Variants in SLC35F1 observed in about 807,000 individuals in gnomAD.
SLC35F1 encodes chromosome 6 open reading frame 169.
Under a neutral mutation model 48.7 loss-of-function variants are expected in SLC35F1, and 14 were observed. The observed-to-expected ratio is 0.29, with a 90% CI of 0.19 to 0.45. The LOEUF (loss-of-function observed/expected upper bound fraction) is 0.45, where lower values mean the gene tolerates loss of function less well. Among genes scored for constraint, SLC35F1 ranks in the 20% least tolerant of loss-of-function variants. SLC35F1 has a pLI of 1.00. For synonymous variants in SLC35F1, 190 were observed against 202.2 expected (o/e 0.94, Z 0.51); for missense variants, 404 against 500.0 (o/e 0.81, Z 1.83).
At chr6:118,307,358 G>T (rs1776323558) in intron 7 of SLC35F1, among the ~76,000 whole-genome samples, 2 of 151,990 alleles carry the variant, frequency 1.3e-5, no homozygotes, top group Admixed American at 1.3e-4. Context: ...AGATTCTGTA[G>T]CTTTCCCATG....
intron 1 of SLC35F1, among the ~76,000 whole-genome samples, chr6:118,122,185 A>G (rs1237916682): frequency 6.6e-6 from 1 of 152,048 alleles, no homozygotes; most frequent in Non-Finnish European, 1.5e-5. Context: ...TTGTATGTCC[A>G]ATATAAGAAT....
At chr6:118,055,432 T>C (rs185423757) in intron 1 of SLC35F1, among the ~76,000 whole-genome samples, 1 of 152,292 alleles carries the variant, frequency 6.6e-6, no homozygotes, top group Admixed American at 6.5e-5. Flanking sequence ...AAAGCCTCTT[T>C]CTTGGCCTCT....
chr6:118,202,143 G>T (rs1774880246), intron 2 of SLC35F1, among the ~76,000 whole-genome samples: 1 of 152,112 alleles, frequency 6.6e-6, no homozygotes, highest in Non-Finnish European at 1.5e-5. Context: ...AGAAATTTCT[G>T]GATCATATGG....
At chr6:118,206,808 T>C (rs1308510786) in intron 2 of SLC35F1, among the ~76,000 whole-genome samples, 1 of 152,194 alleles carries the variant, frequency 6.6e-6, no homozygotes, top group East Asian at 1.9e-4. Flanking sequence ...AGCTGTACTG[T>C]GAGCTGGCAA....
At chr6:118,040,371 T>G (rs931549504) in intron 1 of SLC35F1, among the ~76,000 whole-genome samples, 1 of 152,116 alleles carries the variant, frequency 6.6e-6, no homozygotes, top group African/African-American at 2.4e-5. Flanking sequence ...TTAGGTAGTG[T>G]TGTTGCTTTT....
chr6:118,249,711 A>G (rs1255324153), intron 3 of SLC35F1, among the ~76,000 whole-genome samples: 2 of 152,226 alleles, frequency 1.3e-5, no homozygotes, highest in Non-Finnish European at 2.9e-5. Flanking sequence ...AAACACCAGC[A>G]TCTGAGAAAT....
chr6:117,969,025 G>A (rs569831623), intron 1 of SLC35F1, among the ~76,000 whole-genome samples: 2 of 152,236 alleles, frequency 1.3e-5, no homozygotes, highest in African/African-American at 2.4e-5. Flanking sequence ...CCTAGAAAAT[G>A]TTTTCTTGTA....
chr6:118,211,709 G>T (rs1775002785), intron 2 of SLC35F1, among the ~76,000 whole-genome samples: 1 of 152,164 alleles, frequency 6.6e-6, no homozygotes. Context: ...TTCCTATAGG[G>T]CTGGAAGCTC....
At chr6:117,933,445 A>T (rs1776126156) in intron 1 of SLC35F1, among the ~76,000 whole-genome samples, 1 of 152,234 alleles carries the variant, frequency 6.6e-6, no homozygotes, top group East Asian at 1.9e-4. Context: ...ATTTCTGAGT[A>T]AACATAGATT....
At chr6:118,139,206 G>A (rs1181507166) in intron 1 of SLC35F1, among the ~76,000 whole-genome samples, 8 of 152,050 alleles carry the variant, frequency 5.3e-5, no homozygotes, top group East Asian at 1.9e-4. Context: ...TCCATCTCCC[G>A]GGTTCACGCC....
In SLC35F1 at chr6:118,285,105, T is replaced by C; in HGVS notation, c.848-79T>C. 8.0e-6 allele frequency: 12 copies of C among 1,508,520 alleles called. No homozygotes were observed. In the South Asian group the frequency reaches 1.2e-4, roughly 15 times the overall value. 93.4% of individuals were successfully genotyped at this position (1,508,520 alleles called of 1,614,324 possible). ...GTGAGTGACAAGTGGTGTGCACTCT[T>C]CCCCTTCTTTCCTGCTGTGGATGCT... On this transcript the variant is annotated intron_variant, in intron 6 of 7. Coordinates refer to ENST00000360388, the MANE Select transcript of SLC35F1 (RefSeq NM_001029858.4).
chr6:117,955,306 T>C (rs989247909), intron 1 of SLC35F1, among the ~76,000 whole-genome samples: 1 of 152,226 alleles, frequency 6.6e-6, no homozygotes, highest in Non-Finnish European at 1.5e-5. Context: ...TTAATACTTA[T>C]TTACTCCACA....
chr6:117,929,078 T>A (rs1196999035), intron 1 of SLC35F1, among the ~76,000 whole-genome samples: 5 of 152,090 alleles, frequency 3.3e-5, no homozygotes, highest in African/African-American at 9.7e-5. Context: ...GCAAGAACCC[T>A]CACCCATCAT....
At chr6:118,046,267 G>A (rs1029896348) in intron 1 of SLC35F1, among the ~76,000 whole-genome samples, 4 of 152,118 alleles carry the variant, frequency 2.6e-5, no homozygotes, top group Non-Finnish European at 5.9e-5. Context: ...ATTCAGTAAC[G>A]ACAGTGGCAT....
chr6:118,227,216 C>T (rs951830656), intron 2 of SLC35F1, among the ~76,000 whole-genome samples: 3 of 152,154 alleles, frequency 2.0e-5, no homozygotes, highest in Admixed American at 6.5e-5. Context: ...AGAGGCCCAA[C>T]CTGGCAGACT....
intron 1 of SLC35F1, among the ~76,000 whole-genome samples, chr6:117,977,228 T>C (rs12664862): frequency 2.0e-5 from 3 of 149,484 alleles, no homozygotes; most frequent in Non-Finnish European, 3.0e-5. Flanking sequence ...ACGGAGTCTC[T>C]CTCCCTCACC....
intron 1 of SLC35F1, among the ~76,000 whole-genome samples, chr6:118,117,109 C>T (rs1773485752): frequency 6.6e-6 from 1 of 152,162 alleles, no homozygotes; most frequent in Non-Finnish European, 1.5e-5. Flanking sequence ...GTTATGTAGG[C>T]CCCACTCTTC....
chr6:118,085,749 A>G (rs1200237380), intron 1 of SLC35F1, among the ~76,000 whole-genome samples: 3 of 152,082 alleles, frequency 2.0e-5, no homozygotes, highest in Non-Finnish European at 4.4e-5. Flanking sequence ...CCTGCCTTGA[A>G]AAGTAGGAAG....
intron 2 of SLC35F1, among the ~76,000 whole-genome samples, chr6:118,231,177 G>T (rs1458558700): frequency 6.6e-6 from 1 of 152,104 alleles, no homozygotes; most frequent in Non-Finnish European, 1.5e-5. Flanking sequence ...GAGGAGGACA[G>T]ATTATTCTCT....
Sources: gnomAD v4.1 joint callset for allele counts (sites outside exome capture counted in the v4.1 genomes callset) on GRCh38, gnomAD v4.1.1 for gene constraint, MANE v1.5 for transcripts, NCBI Gene and HGNC (gene_info 2026-07-23, HGNC 2026-07-21) for gene names.